MAP3K12: variants seen among roughly 807,000 people sequenced by gnomAD.
MAP3K12 encodes mitogen-activated protein kinase kinase kinase 12.
In MAP3K12, 14 loss-of-function variants were observed where a neutral mutation model predicts 87.5. The ratio of observed to expected loss-of-function variants is 0.16; its 90% CI spans 0.11 to 0.25. The LOEUF (loss-of-function observed/expected upper bound fraction) is 0.25, where lower values mean the gene tolerates loss of function less well. MAP3K12 is among the 10% of genes least tolerant of loss of function. The pLI is 1.00. For missense variants in MAP3K12, 802 were observed against 1,140.4 expected (o/e 0.70, Z 4.27); for synonymous variants, 469 against 452.5 (o/e 1.04, Z -0.46).
chr12:53,490,867 C>T (rs1226752318), intron 1 of MAP3K12, among the ~76,000 whole-genome samples: 2 of 152,062 alleles, frequency 1.3e-5, no homozygotes, highest in African/African-American at 4.8e-5. Context: ...GCAGTGATTG[C>T]ACCACTGAAC....
chr12:53,484,708 T>TC (rs1943176897), intron 6 of MAP3K12: 1 of 448,190 alleles, frequency 2.2e-6, no homozygotes, highest in African/African-American at 2.0e-5. Flanking sequence ...CAAATGAGGG[T>TC]CTGGGGTCCT....
rs1012335813 is a variant in MAP3K12, at chr12:53,481,867, A to C, written c.2580+74T>G. On this transcript the variant is annotated intron_variant, in intron 13 of 13. Transcript: ENST00000547488. ...TGGCCTGTGCAGCTGTCTCCCCAAA[A>C]GCTGTTAAAAGACAAGGCATCTGCT... The C allele has an allele frequency of 2.6e-6, 4 of 1,545,466 alleles. No homozygotes were observed. The African/African-American group carries it at 4.1e-5, about 16-fold the overall frequency.
At position 53,497,499 on chromosome 12, in the gene MAP3K12, C is replaced by T. The variant is rs375292907; in HGVS notation, c.-38+1928G>A. ...TGTCACAGTCTCCTCACCTTCTCCA[C>T]GCACACATATGACCCCAGTCCTTCT... On this transcript the variant is annotated intron_variant, in intron 1 of 13. Coordinates refer to ENST00000547488, the MANE Select transcript of MAP3K12 (RefSeq NM_001193511.2). Among the ~76,000 whole-genome samples the T allele has an allele frequency of 6.6e-5, 10 of 152,288 alleles. No individual in the cohort carries two copies. The East Asian group carries it at 9.6e-4, about 15-fold the overall frequency.
At chr12:53,499,171 T>C (rs2137247440) in intron 1 of MAP3K12, among the ~76,000 whole-genome samples, 1 of 151,540 alleles carries the variant, frequency 6.6e-6, no homozygotes, top group South Asian at 2.1e-4. Flanking sequence ...CCCACCCCAA[T>C]ACGGTCCTTT....
chr12:53,488,934 G>A (rs1363093854), intron 1 of MAP3K12, among the ~76,000 whole-genome samples: 1 of 150,682 alleles, frequency 6.6e-6, no homozygotes, highest in Non-Finnish European at 1.5e-5. Context: ...GAAAAAATTA[G>A]CTGGGCGTGG....
chr12:53,497,752 C>T (rs1943571419), intron 1 of MAP3K12, among the ~76,000 whole-genome samples: 2 of 152,092 alleles, frequency 1.3e-5, no homozygotes, highest in South Asian at 4.2e-4. Flanking sequence ...GGGCTGAGGA[C>T]CTGAATGTAG....
intron 1 of MAP3K12, among the ~76,000 whole-genome samples, chr12:53,495,286 C>T (rs1213286706): frequency 7.4e-6 from 1 of 135,402 alleles, no homozygotes; most frequent in African/African-American, 2.7e-5. Flanking sequence ...CTGCAGTGAG[C>T]CGAGATGGAG....
Position 53,486,679 on chromosome 12 carries a change from G to C in MAP3K12, c.446-57C>G, listed in dbSNP as rs1306330457. 13 of 1,504,234 alleles carry C rather than the reference G, an allele frequency of 8.6e-6. No individual in the cohort carries two copies. The highest frequency in any genetic ancestry group is 4.2e-5 in the African/African-American group (3 of 71,508). 93.2% of individuals were successfully genotyped at this position (1,504,234 alleles called of 1,614,324 possible). A position where few individuals can be genotyped will look rare whatever the true frequency, so the allele number is the denominator to read the frequency against. ...CAGAAAGAGCCACACTCAAGGCCAG[G>C]GACAGGATAGCATTGGGTTGGCTGA... On this transcript the variant is annotated intron_variant, in intron 2 of 13. Coordinates refer to ENST00000547488, the MANE Select transcript of MAP3K12 (RefSeq NM_001193511.2). This position sits in a 1 kb window ranked among gnomAD's most constrained non-coding sequence, Gnocchi z 4.9.
rs903370184 is a variant in MAP3K12, at chr12:53,480,139, C to A, written c.*1043G>T. 6.6e-6 allele frequency: 1 copy of A among 152,188 alleles called. No homozygotes were observed. The allele number at this position is 152,188 out of a possible 1,614,324, so 9.4% of individuals were successfully genotyped here. A position where few individuals can be genotyped will look rare whatever the true frequency, so the allele number is the denominator to read the frequency against. On this transcript the variant is annotated 3_prime_UTR_variant, in exon 14 of 14. Transcript: ENST00000547488. ...GGGGAAAGGAATGACACATGACATA[C>A]ATGGCATACACATTAAGCAGTTGAT... is the stretch of plus-strand genomic sequence containing the variant.
intron 1 of MAP3K12, among the ~76,000 whole-genome samples, chr12:53,498,311 A>C (rs1592726242): frequency 6.6e-6 from 1 of 152,124 alleles, no homozygotes; most frequent in East Asian, 1.9e-4. Context: ...TGAAACTCAG[A>C]GCTCCTAGAG....
intron 13 of MAP3K12, 192 bp downstream of exon 13, chr12:53,481,749 A>T: frequency 3.1e-6 from 2 of 636,956 alleles, no homozygotes; most frequent in Non-Finnish European, 2.6e-6. Context: ...TTATAGCTAC[A>T]TGCAAGCTAC....
chr12:53,482,769 A>G lies in MAP3K12; in HGVS notation c.2034T>C (p.Ser678=). 1.2e-6 allele frequency: 2 copies of G among 1,613,696 alleles called. No individual in the cohort carries two copies. Among genetic ancestry groups the G allele is most frequent in the Non-Finnish European group, 8.5e-7 (1 of 1,179,760 alleles). The change falls in exon 11 of 14, where the codon AGT becomes AGC. Residue 678 remains serine (S), a synonymous_variant. Transcript: ENST00000547488. ...TGGTGGAGCCAGGGGCTGAGCCCTC[A>G]CTTGGTGGGGTGTCACCCCGGGCCG... The part of the protein sequence containing the change: ...PPPARGDTPP[S]EGSAPGSTSP...
chr12:53,487,834 G>T, intron 1 of MAP3K12: 1 of 172,554 alleles, frequency 5.8e-6, no homozygotes, highest in Non-Finnish European at 1.3e-5. Context: ...GGCACACACA[G>T]GTATCAGAAG....
chr12:53,484,954 T>C (rs1943189330), intron 6 of MAP3K12, 102 bp downstream of exon 6: 7 of 1,439,038 alleles, frequency 4.9e-6, no homozygotes, highest in Non-Finnish European at 5.7e-6. Flanking sequence ...GTCAGTCTCT[T>C]TGAATTAAAT....
chr12:53,481,834 G>T (rs1943060667), intron 13 of MAP3K12, 107 bp downstream of exon 13: 1 of 1,365,104 alleles, frequency 7.3e-7, no homozygotes, highest in Non-Finnish European at 1.0e-6. Flanking sequence ...GCTCTTTATG[G>T]TACTTTCTGG....
chr12:53,494,968 C>A (rs1207611428), intron 1 of MAP3K12, among the ~76,000 whole-genome samples: 3 of 152,044 alleles, frequency 2.0e-5, no homozygotes, highest in Non-Finnish European at 4.4e-5. Context: ...GCAGCCTCAA[C>A]CTCCTGGGCT....
At chr12:53,501,306 C>T (rs995286067), upstream of MAP3K12, 5 of 1,373,692 alleles carry the variant, frequency 3.6e-6, no homozygotes, top group African/African-American at 1.4e-5. Flanking sequence ...GCGGGCCCTA[C>T]CGGCCGCGAC....
intron 10 of MAP3K12, 78 bp from the exon 11 acceptor site, chr12:53,483,267 A>C: frequency 6.4e-7 from 1 of 1,572,902 alleles, no homozygotes; most frequent in South Asian, 1.2e-5. Context: ...TGGACACTAA[A>C]GTACACATCT....
chr12:53,501,474 G>T, upstream of MAP3K12: 1 of 1,562,178 alleles, frequency 6.4e-7, no homozygotes, highest in Non-Finnish European at 8.7e-7. Context: ...GAGCCGTCTC[G>T]TACCGATTCC....
Sources: allele counts gnomAD v4.1 joint callset (sites outside exome capture counted in the v4.1 genomes callset), GRCh38; gene constraint gnomAD v4.1.1; non-coding constraint Gnocchi (gnomAD v3.1); transcripts MANE v1.5; gene names NCBI Gene and HGNC (gene_info 2026-07-23, HGNC 2026-07-21).